MAP2K6: variants seen among roughly 807,000 people sequenced by gnomAD.
MAP2K6 encodes the protein mitogen-activated protein kinase kinase 6.
MAP2K6 carries 16 observed loss-of-function variants against 53.7 expected under a neutral mutation model. The observed-to-expected ratio is 0.30, with a 90% CI of 0.20 to 0.45. The LOEUF is 0.45. MAP2K6 is among the 20% of genes least tolerant of loss of function. The pLI is 1.00. For missense variants in MAP2K6, 204 were observed against 411.9 expected (o/e 0.50, Z 4.37); for synonymous variants, 132 against 143.1 (o/e 0.92, Z 0.55).
At chr17:69,430,267 T>C (rs1598257859) in intron 1 of MAP2K6, among the ~76,000 whole-genome samples, 1 of 151,334 alleles carries the variant, frequency 6.6e-6, no homozygotes, top group African/African-American at 2.4e-5. Flanking sequence ...ACCTGGGAGG[T>C]GGAGGTTGCA....
At chr17:69,505,138 A>C (rs184166639) in intron 1 of MAP2K6, among the ~76,000 whole-genome samples, 330 of 151,958 alleles carry the variant, frequency 2.2e-3, no homozygotes, top group Admixed American at 4.5e-3. Context: ...TAAAAGAAAA[A>C]AAAAACAAAA....
intron 1 of MAP2K6, among the ~76,000 whole-genome samples, chr17:69,485,944 A>T (rs1908517634): frequency 2.0e-5 from 3 of 152,240 alleles, no homozygotes; most frequent in Admixed American, 6.5e-5. Flanking sequence ...TGTCTTTCTC[A>T]ATAGACTACA....
chr17:69,449,214 C>G (rs73363598), intron 1 of MAP2K6, among the ~76,000 whole-genome samples: 11,416 of 152,100 alleles, frequency 0.075, 1,431 homozygotes, highest in African/African-American at 0.26. Flanking sequence ...GGGGATGATA[C>G]TGGTATCCAG....
intron 10 of MAP2K6, among the ~76,000 whole-genome samples, chr17:69,535,597 G>A (rs1415469502): frequency 6.6e-6 from 1 of 152,074 alleles, no homozygotes; most frequent in African/African-American, 2.4e-5. Context: ...CTGTCTCAAG[G>A]AAAAGAAAAT....
At chr17:69,446,354 A>T (rs1906963170) in intron 1 of MAP2K6, among the ~76,000 whole-genome samples, 1 of 152,252 alleles carries the variant, frequency 6.6e-6, no homozygotes, top group East Asian at 1.9e-4. Context: ...TGAGTGACAC[A>T]CAGAAAGCCT....
chr17:69,485,840 G>T (rs754461540), intron 1 of MAP2K6, among the ~76,000 whole-genome samples: 1 of 151,918 alleles, frequency 6.6e-6, no homozygotes. Flanking sequence ...TTTTTTCTTG[G>T]CTTGACAGTT....
chr17:69,484,064 A>G (rs1908439496), intron 1 of MAP2K6, among the ~76,000 whole-genome samples: 1 of 152,126 alleles, frequency 6.6e-6, no homozygotes, highest in Admixed American at 6.6e-5. Context: ...GCAAAACCGT[A>G]AGCACCTATG....
At chr17:69,454,314 A>G (rs1173831020) in intron 1 of MAP2K6, among the ~76,000 whole-genome samples, 1 of 152,230 alleles carries the variant, frequency 6.6e-6, no homozygotes, top group Non-Finnish European at 1.5e-5. Flanking sequence ...TGATCAGGGC[A>G]GATGTTCTCA....
At chr17:69,526,449 C>G in intron 9 of MAP2K6, 121 bp from the exon 10 acceptor site, 4 of 1,030,788 alleles carry the variant, frequency 3.9e-6, no homozygotes, top group Non-Finnish European at 5.7e-6. Context: ...CCCCCCTACC[C>G]CTGGACTTAT....
In MAP2K6 at chr17:69,448,899, C is replaced by T. The variant is rs575550664; in HGVS notation, c.16+33899C>T. Among the ~76,000 whole-genome samples, 10 of 152,266 alleles carry T rather than the reference C, an allele frequency of 6.6e-5. No individual in the cohort carries two copies. In the South Asian group the frequency reaches 1.5e-3, roughly 22 times the overall value. ...TTAAAAATAAAGGCTTCCTTGACAA[C>T]GGAGGTGTTAGTAGGTGTAGGGCTG... On this transcript the variant is annotated intron_variant, in intron 1 of 11. Transcript: ENST00000590474.
rs185982167 is a variant in MAP2K6 at position 69,544,143 on chromosome 17, T to C, written c.*2390T>C. On this transcript the variant is annotated 3_prime_UTR_variant, in exon 12 of 12. Transcript: ENST00000590474. The stretch of plus-strand genomic sequence containing the variant: ...TTTTGAACATTTGCAGGGAGTAACA[T>C]GCCATTGCAGAAAGTAACAAAAACA... The C allele has an allele frequency of 5.9e-5, 9 of 152,316 alleles. No individual in the cohort carries two copies. The highest frequency in any genetic ancestry group is 1.0e-4 in the Non-Finnish European group (7 of 68,020). 9.4% of individuals were successfully genotyped at this position (152,316 alleles called of 1,614,324 possible). A position where few individuals can be genotyped will look rare whatever the true frequency, so the allele number is the denominator to read the frequency against.
chr17:69,539,610 C>CT (rs958747561), intron 11 of MAP2K6, among the ~76,000 whole-genome samples: 49 of 151,346 alleles, frequency 3.2e-4, no homozygotes, highest in African/African-American at 9.9e-4. Context: ...TAGCGATTTT[C>CT]TTTTTTTTTG....
At chr17:69,527,839 A>T (rs1910855197) in intron 10 of MAP2K6, among the ~76,000 whole-genome samples, 1 of 152,102 alleles carries the variant, frequency 6.6e-6, no homozygotes, top group Non-Finnish European at 1.5e-5. Context: ...AAGTGCTGTG[A>T]GGCAGGGCAC....
intron 2 of MAP2K6, 81 bp downstream of exon 2, chr17:69,505,927 G>GC (rs1421825594): frequency 1.6e-6 from 2 of 1,217,098 alleles, no homozygotes; most frequent in Non-Finnish European, 2.4e-6. Context: ...GGACTGCTGA[G>GC]CAATGCCTTG....
At chr17:69,520,827 C>T (rs769952390) in intron 6 of MAP2K6, 93 of 462,650 alleles carry the variant, frequency 2.0e-4, no homozygotes, top group Non-Finnish European at 3.1e-4. Flanking sequence ...ATGAACAAGA[C>T]AGATGAGGGA....
chr17:69,547,913 G>A lies in MAP2K6; in HGVS notation c.*6160G>A, dbSNP rs1362000122. On this transcript the variant is annotated 3_prime_UTR_variant, in exon 12 of 12. Coordinates refer to ENST00000590474, the MANE Select transcript of MAP2K6 (RefSeq NM_002758.4). ...AGGAGAATCACGAACCCAGACACTA[G>A]TCAATCTCTCTATTCCCTGACTTGT... 6.6e-6 allele frequency: 1 copy of A among 152,172 alleles called. No individual in the cohort carries two copies. Among genetic ancestry groups the A allele is most frequent in the East Asian group, 1.9e-4 (1 of 5,196 alleles). The allele number at this position is 152,172 out of a possible 1,614,324, so 9.4% of individuals were successfully genotyped here.
intron 11 of MAP2K6, among the ~76,000 whole-genome samples, chr17:69,540,286 T>C (rs1911551200): frequency 6.6e-6 from 1 of 152,192 alleles, no homozygotes; most frequent in African/African-American, 2.4e-5. Flanking sequence ...GAGTCACTTA[T>C]GTGTCTGGAT....
intron 2 of MAP2K6, among the ~76,000 whole-genome samples, chr17:69,515,452 C>T (rs562536482): frequency 2.0e-5 from 3 of 152,264 alleles, no homozygotes; most frequent in East Asian, 3.9e-4. Context: ...CCACCGTGCC[C>T]GGCCAGCATT....
At chr17:69,489,673 A>C (rs1348963500) in intron 1 of MAP2K6, among the ~76,000 whole-genome samples, 1 of 152,236 alleles carries the variant, frequency 6.6e-6, no homozygotes, top group Non-Finnish European at 1.5e-5. Context: ...GTACACTTGC[A>C]TGAACCAAAC....
Sources: allele counts gnomAD v4.1 joint callset (sites outside exome capture counted in the v4.1 genomes callset), GRCh38; gene constraint gnomAD v4.1.1; transcripts MANE v1.5; gene names NCBI Gene and HGNC (gene_info 2026-07-23, HGNC 2026-07-21).